The following TPD52L1 variants were observed in gnomAD, a reference collection of about 807,000 sequenced individuals.
TPD52L1 encodes the protein tumor protein D53.
TPD52L1 carries 18 observed loss-of-function variants against 28.7 expected under a neutral mutation model. The ratio of observed to expected loss-of-function variants is 0.63; its 90% confidence interval spans 0.43 to 0.93. The LOEUF (loss-of-function observed/expected upper bound fraction) is 0.93. Among genes scored for constraint, TPD52L1 ranks in the 40% least tolerant of loss-of-function variants. The pLI, the probability that TPD52L1 is intolerant of heterozygous loss-of-function variation, is 0.00. For synonymous variants in TPD52L1, 75 were observed against 88.8 expected (o/e 0.84, Z 0.88); for missense variants, 203 against 254.8 (o/e 0.80, Z 1.39).
intron 1 of TPD52L1, among the ~76,000 whole-genome samples, chr6:125,167,318 C>T (rs1235766224): frequency 4.6e-5 from 7 of 152,102 alleles, no homozygotes; most frequent in Non-Finnish European, 1.0e-4. Context: ...GTGGAAAACG[C>T]TGATTCCTTT....
At chr6:125,179,715 C>G (rs1792061664) in intron 1 of TPD52L1, among the ~76,000 whole-genome samples, 2 of 152,150 alleles carry the variant, frequency 1.3e-5, no homozygotes, top group Admixed American at 6.5e-5. Context: ...GATGAACTTT[C>G]ATTTATTTAT....
intron 1 of TPD52L1, among the ~76,000 whole-genome samples, chr6:125,218,172 A>C (rs1485298369): frequency 6.6e-6 from 1 of 152,200 alleles, no homozygotes; most frequent in Admixed American, 6.5e-5. Flanking sequence ...ACCATGCTAA[A>C]TCATTTTCCA....
At chr6:125,258,981 TAC>T (rs1797760526) in intron 6 of TPD52L1, among the ~76,000 whole-genome samples, 1 of 152,252 alleles carries the variant, frequency 6.6e-6, no homozygotes. Flanking sequence ...CCTAAATAAT[TAC>T]AAATTTCTCT....
chr6:125,172,108 CTTTCTTTCTTTCTTT>C (rs1562210003), intron 1 of TPD52L1, among the ~76,000 whole-genome samples: 974 of 69,440 alleles, frequency 0.014, 20 homozygotes, highest in African/African-American at 0.022. Context: ...CCCTTTCTTT[CTTTCTTTCTTTCTTT>C]CTTTCTTTCT....
At chr6:125,178,653 A>T (rs1299313942) in intron 1 of TPD52L1, among the ~76,000 whole-genome samples, 1,752 of 123,580 alleles carry the variant, frequency 0.014, 48 homozygotes, top group African/African-American at 0.045. Flanking sequence ...AACAAAACAA[A>T]ACAAAATATA....
chr6:125,257,360 CA>C (rs1309626871), intron 6 of TPD52L1, among the ~76,000 whole-genome samples: 11 of 152,284 alleles, frequency 7.2e-5, no homozygotes, highest in Middle Eastern at 3.4e-3. Context: ...ATAAACCATT[CA>C]GGGGTGAATT....
At chr6:125,210,539 C>T (rs1282966372) in intron 1 of TPD52L1, among the ~76,000 whole-genome samples, 1 of 151,804 alleles carries the variant, frequency 6.6e-6, no homozygotes, top group East Asian at 2.0e-4. Context: ...TTCTCCAGGG[C>T]ATTCATTTTG....
chr6:125,262,877 A>C lies in TPD52L1; in HGVS notation c.530A>C (p.Glu177Ala), dbSNP rs1798138770. 1.2e-6 allele frequency: 2 copies of C among 1,614,242 alleles called. No homozygotes were observed. The highest frequency in any genetic ancestry group is 1.6e-4 in the Middle Eastern group (1 of 6,062). ...AACCCTAATGGAGGCAGTTTTGAGG[A>C]GGTCCTCAGCTCCACGGCCCATGCC... The part of the protein sequence containing the change: ...GTNPNGGSFE[E>A]VLSSTAHASA... The change falls in exon 7 of 7, where the codon GAG (glutamate) becomes GCG (alanine). Residue 177 changes from glutamate (E) to alanine (A), a missense_variant. Coordinates refer to ENST00000534000, the MANE Select transcript of TPD52L1 (RefSeq NM_003287.4).
intron 1 of TPD52L1, among the ~76,000 whole-genome samples, chr6:125,207,590 C>A (rs767766538): frequency 1.1e-4 from 17 of 152,328 alleles, no homozygotes; most frequent in Non-Finnish European, 5.9e-5. Flanking sequence ...GCTTCTTCCT[C>A]CAGAGCAAAG....
chr6:125,216,442 A>ATGTGTGTCT (rs1036685841), intron 1 of TPD52L1, among the ~76,000 whole-genome samples: 7 of 151,032 alleles, frequency 4.6e-5, no homozygotes, highest in African/African-American at 1.5e-4. Context: ...ATAAATGTAT[A>ATGTGTGTCT]TGTGTGTCTT....
At chr6:125,258,422 T>C (rs762796178) in intron 6 of TPD52L1, among the ~76,000 whole-genome samples, 6 of 152,100 alleles carry the variant, frequency 3.9e-5, no homozygotes, top group Non-Finnish European at 8.8e-5. Flanking sequence ...TTGTGAACAT[T>C]TGATCTTCTT....
intron 1 of TPD52L1, among the ~76,000 whole-genome samples, chr6:125,177,303 G>C (rs9482608): frequency 6.6e-6 from 1 of 152,060 alleles, no homozygotes. Flanking sequence ...CCTCATTTCA[G>C]CTTGTCAGAT....
At chr6:125,222,967 C>T (rs564597289) in intron 2 of TPD52L1, among the ~76,000 whole-genome samples, 1 of 152,138 alleles carries the variant, frequency 6.6e-6, no homozygotes, top group Non-Finnish European at 1.5e-5. Flanking sequence ...ATGCTGTAAT[C>T]CTATTAAATT....
At chr6:125,248,608 C>T in intron 4 of TPD52L1, 2 of 496,086 alleles carry the variant, frequency 4.0e-6, no homozygotes, top group Non-Finnish European at 7.2e-6. Flanking sequence ...GCTGTTTCTA[C>T]TAGGACCCGA....
chr6:125,194,173 G>C (rs898677820), intron 1 of TPD52L1, among the ~76,000 whole-genome samples: 2 of 151,918 alleles, frequency 1.3e-5, no homozygotes, highest in Admixed American at 6.6e-5. Flanking sequence ...TTAGTTTTAG[G>C]TGTGACTTTT....
intron 1 of TPD52L1, 42 bp from the exon 2 acceptor site, chr6:125,220,036 C>T (rs1795132224): frequency 5.6e-6 from 8 of 1,435,194 alleles, no homozygotes; most frequent in Non-Finnish European, 7.9e-6. Flanking sequence ...GGTTTAAATT[C>T]ACTTTAAAAA....
chr6:125,159,912 G>T (rs1212846744), intron 1 of TPD52L1, among the ~76,000 whole-genome samples: 1 of 152,098 alleles, frequency 6.6e-6, no homozygotes, highest in South Asian at 2.1e-4. Context: ...GTCATGGGAG[G>T]GAGCCATTGG....
At chr6:125,177,780 A>T (rs1228484311) in intron 1 of TPD52L1, among the ~76,000 whole-genome samples, 1 of 152,226 alleles carries the variant, frequency 6.6e-6, no homozygotes, top group Non-Finnish European at 1.5e-5. Flanking sequence ...TAAAATTAAC[A>T]AACCATTACT....
chr6:125,238,102 T>C (rs1361865101), intron 3 of TPD52L1, among the ~76,000 whole-genome samples: 2 of 152,232 alleles, frequency 1.3e-5, no homozygotes, highest in African/African-American at 4.8e-5. Context: ...GTAAGTCATT[T>C]TGTTCTTAAG....
Sources: allele counts gnomAD v4.1 joint callset (sites outside exome capture counted in the v4.1 genomes callset), GRCh38; gene constraint gnomAD v4.1.1; transcripts MANE v1.5; gene names NCBI Gene and HGNC (gene_info 2026-07-23, HGNC 2026-07-21).